The following DCAF6 variants were observed in gnomAD, a reference collection of about 807,000 sequenced individuals.
DCAF6 encodes the protein DDB1- and CUL4-associated factor 6.
Under a neutral mutation model 125.1 loss-of-function variants are expected in DCAF6, and 54 were observed. The ratio of observed to expected loss-of-function variants is 0.43; its 90% CI spans 0.35 to 0.54. The LOEUF (loss-of-function observed/expected upper bound fraction) is 0.54. Ranked by LOEUF, DCAF6 falls within the 20% of genes least tolerant of loss-of-function variation. The pLI, the probability that DCAF6 is intolerant of heterozygous loss-of-function variation, is 0.01. For synonymous variants in DCAF6, 371 were observed against 390.4 expected (o/e 0.95, Z 0.58); for missense variants, 934 against 1,161.7 (o/e 0.80, Z 2.85).
At chr1:168,016,804 G>A (rs1685037234) in intron 11 of DCAF6, among the ~76,000 whole-genome samples, 1 of 152,026 alleles carries the variant, frequency 6.6e-6, no homozygotes, top group East Asian at 1.9e-4. Flanking sequence ...GAACAAGAAT[G>A]TCTAGGTTCT....
intron 12 of DCAF6, among the ~76,000 whole-genome samples, chr1:168,037,001 C>T (rs1193764391): frequency 1.3e-5 from 2 of 151,702 alleles, no homozygotes; most frequent in Admixed American, 6.6e-5. Context: ...CAGCTTGACT[C>T]TTGTGGAATA....
chr1:167,925,963 T>C, the DCAF6 span, among the ~76,000 whole-genome samples: 1 of 152,256 alleles, frequency 6.6e-6, no homozygotes, highest in African/African-American at 2.4e-5. Flanking sequence ...GCTGATTTTC[T>C]AATTTAATCC....
chr1:167,935,431 G>A (rs1448702730), upstream of DCAF6, among the ~76,000 whole-genome samples: 1 of 152,248 alleles, frequency 6.6e-6, no homozygotes, highest in East Asian at 1.9e-4. Context: ...CAGACAGTTT[G>A]GTGGCCGCAG....
chr1:167,905,189 A>C, the DCAF6 span: 8 of 1,605,208 alleles, frequency 5.0e-6, no homozygotes, highest in East Asian at 1.8e-4. Flanking sequence ...GCAGTCTCCA[A>C]ATAGGTCTTC....
the DCAF6 span, among the ~76,000 whole-genome samples, chr1:167,866,256 C>T: frequency 1.9e-3 from 288 of 152,230 alleles, no homozygotes; most frequent in African/African-American, 6.7e-3. Flanking sequence ...CATCGTAAAG[C>T]GAGAGAAGCC....
intron 1 of DCAF6, among the ~76,000 whole-genome samples, chr1:167,940,900 G>C (rs921850187): frequency 6.6e-6 from 1 of 152,076 alleles, no homozygotes; most frequent in Admixed American, 6.6e-5. Context: ...CAATTTTTTA[G>C]TGGAGATTGA....
rs569857158 is a variant in DCAF6, at chr1:167,966,452, ATTC to A, written c.160-166_160-164del. 1.9e-3 allele frequency among the ~76,000 whole-genome samples: 283 copies of A among 152,232 alleles called. 1 individual carries two copies. Among genetic ancestry groups the A allele is most frequent in the African/African-American group, 5.9e-3 (247 of 41,532 alleles). On this transcript the variant is annotated intron_variant, in intron 2 of 21. Coordinates refer to ENST00000367840, the MANE Select transcript of DCAF6 (RefSeq NM_001198956.2). ...TGTATTTTATGTGTGGCCGGAGACA[ATTC>A]TTCTTCTTCTACTGTGGCCAAGGGA... is the stretch of plus-strand genomic sequence containing the variant.
chr1:167,984,474 A>G (rs1679655694), intron 4 of DCAF6, among the ~76,000 whole-genome samples: 1 of 152,226 alleles, frequency 6.6e-6, no homozygotes, highest in African/African-American at 2.4e-5. Flanking sequence ...AAAAATAAAT[A>G]TCCTTGGAAA....
chr1:167,950,399 A>G (rs1337263730), intron 1 of DCAF6, among the ~76,000 whole-genome samples: 1 of 152,202 alleles, frequency 6.6e-6, no homozygotes, highest in Non-Finnish European at 1.5e-5. Flanking sequence ...CTTCATGAAA[A>G]CATGTTACTG....
At chr1:168,003,800 C>T in intron 8 of DCAF6, 70 bp from the exon 9 acceptor site, 1 of 1,383,210 alleles carries the variant, frequency 7.2e-7, no homozygotes, top group Non-Finnish European at 9.8e-7. Flanking sequence ...CCCTTCAAAT[C>T]TAGGTTTTTG....
chr1:167,933,469 A>G (rs1670971307), upstream of DCAF6, among the ~76,000 whole-genome samples: 1 of 152,170 alleles, frequency 6.6e-6, no homozygotes. Context: ...GCCTGGCTAA[A>G]AACACATTCT....
chr1:168,019,924 T>C (rs1685474332), intron 11 of DCAF6: 1 of 154,858 alleles, frequency 6.5e-6, no homozygotes, highest in Non-Finnish European at 1.4e-5. Flanking sequence ...ATGTGTTTGA[T>C]GTTTATAAGT....
intron 12 of DCAF6, among the ~76,000 whole-genome samples, chr1:168,035,676 A>G (rs1271274038): frequency 2.0e-5 from 3 of 151,466 alleles, no homozygotes; most frequent in Non-Finnish European, 4.4e-5. Flanking sequence ...AACAAATTCT[A>G]TCAACTATAA....
intron 1 of DCAF6, among the ~76,000 whole-genome samples, chr1:167,939,908 A>G (rs1671971986): frequency 6.6e-6 from 1 of 152,170 alleles, no homozygotes; most frequent in Non-Finnish European, 1.5e-5. Context: ...GTCTATCTAC[A>G]GGGTTGTAGA....
At chr1:168,006,325 T>C (rs1465470183) in intron 10 of DCAF6, among the ~76,000 whole-genome samples, 1 of 152,162 alleles carries the variant, frequency 6.6e-6, no homozygotes, top group African/African-American at 2.4e-5. Context: ...ATTGAAACAT[T>C]ATGCAGTACT....
intron 16 of DCAF6, among the ~76,000 whole-genome samples, chr1:168,049,127 T>A (rs1689505086): frequency 6.6e-6 from 1 of 152,208 alleles, no homozygotes; most frequent in African/African-American, 2.4e-5. Flanking sequence ...TCATGGTGTT[T>A]AAAAAAATAA....
At chr1:167,924,610 C>A in the DCAF6 span, 1 of 1,115,722 alleles carries the variant, frequency 9.0e-7, no homozygotes, top group South Asian at 1.7e-5. Context: ...CAGCTGTCAC[C>A]AAATTTTAAA....
the DCAF6 span, among the ~76,000 whole-genome samples, chr1:167,906,050 T>C: frequency 5.9e-5 from 9 of 152,294 alleles, no homozygotes; most frequent in Non-Finnish European, 8.8e-5. Flanking sequence ...TTATTTTTGG[T>C]TTAATTCTGA....
chr1:167,947,024 T>C (rs1365452230), intron 1 of DCAF6, among the ~76,000 whole-genome samples: 1 of 152,182 alleles, frequency 6.6e-6, no homozygotes, highest in African/African-American at 2.4e-5. Context: ...TGTTGGGAGA[T>C]TGTAAAAATT....
Sources: gnomAD v4.1 joint callset for allele counts (sites outside exome capture counted in the v4.1 genomes callset) on GRCh38, gnomAD v4.1.1 for gene constraint, MANE v1.5 for transcripts, NCBI Gene and HGNC (gene_info 2026-07-23, HGNC 2026-07-21) for gene names.